The following COL25A1 variants were observed in gnomAD, a reference collection of about 807,000 sequenced individuals.
The protein encoded by COL25A1 is collagen alpha-1(XXV) chain.
A neutral mutation model predicts 128.4 loss-of-function variants in COL25A1; 103 were observed. The observed-to-expected ratio is 0.80, with a 90% CI of 0.68 to 0.94. The LOEUF is 0.94. COL25A1 is among the 40% of genes least tolerant of loss of function. The probability of loss-of-function intolerance (pLI) is 0.00; values close to 1 mark genes in which losing one functional copy is unlikely to be tolerated. For synonymous variants in COL25A1, 279 were observed against 277.2 expected, an observed-to-expected ratio of 1.01 and a Z score of -0.06; for missense variants, 745 against 840.0, an observed-to-expected ratio of 0.89 and a Z score of 1.40.
At chr4:108,841,793 A>C in intron 30 of COL25A1, 72 bp from the exon 31 acceptor site, 51 of 1,185,398 alleles carry the variant, frequency 4.3e-5, no homozygotes, top group Non-Finnish European at 5.9e-5. Context: ...ATATTATATC[A>C]CATAACAAAA....
chr4:109,174,784 C>T lies in COL25A1; in HGVS notation c.368-124605G>A, dbSNP rs562961823. Among the ~76,000 whole-genome samples the T allele has an allele frequency of 3.0e-4, 46 of 152,300 alleles. No individual in the cohort carries two copies. In the Middle Eastern group the frequency reaches 0.031, roughly 101 times the overall value. On this transcript the variant is annotated intron_variant, in intron 3 of 37. Transcript: ENST00000399132. ...TATTGAATGCAAAATTAAACACTCA[C>T]CTTTTGTTCTTATAGACTAGGGGTC...
intron 3 of COL25A1, among the ~76,000 whole-genome samples, chr4:109,063,632 A>G (rs1236194804): frequency 1.3e-5 from 2 of 152,128 alleles, no homozygotes; most frequent in Admixed American, 6.6e-5. Context: ...ACTGCAACCC[A>G]GTTCAAGACC....
chr4:109,084,484 A>G (rs550457780), intron 3 of COL25A1, among the ~76,000 whole-genome samples: 31 of 152,326 alleles, frequency 2.0e-4, no homozygotes, highest in South Asian at 8.3e-4. Context: ...CAAATTCACA[A>G]AATAGGATCA....
At position 108,811,908 on chromosome 4, in the gene COL25A1, G is replaced by A. The variant is rs1200225277; in HGVS notation, c.*2019C>T. 1 of 152,142 alleles carries A rather than the reference G, an allele frequency of 6.6e-6. No homozygotes were observed. Among genetic ancestry groups the A allele is most frequent in the African/African-American group, 2.4e-5 (1 of 41,436 alleles). The allele number at this position is 152,142 out of a possible 1,614,324, so 9.4% of individuals were successfully genotyped here. On this transcript the variant is annotated 3_prime_UTR_variant, in exon 38 of 38. Transcript: ENST00000399132. ...ATAAATGAGATCATGAGGATTTTAG[G>A]TTCCTTGTCTTATGGTTATATCTTA...
At chr4:109,055,491 G>C (rs1247998039) in intron 3 of COL25A1, among the ~76,000 whole-genome samples, 8 of 152,174 alleles carry the variant, frequency 5.3e-5, no homozygotes, top group Admixed American at 3.9e-4. Context: ...ATTCCAAACC[G>C]AGAGTTCTGT....
chr4:109,016,762 G>C (rs577301467), intron 5 of COL25A1, among the ~76,000 whole-genome samples: 4 of 152,298 alleles, frequency 2.6e-5, no homozygotes, highest in African/African-American at 9.6e-5. Context: ...CACTTGTCAG[G>C]ATGACCTGCC....
rs1263436877 is a variant in COL25A1 at position 108,889,845 on chromosome 4, T to C, written c.907-112A>G. 1.0e-5 allele frequency: 9 copies of C among 870,960 alleles called. No homozygotes were observed. In the African/African-American group the frequency reaches 1.4e-4, roughly 13 times the overall value. 54.0% of individuals were successfully genotyped at this position (870,960 alleles called of 1,614,324 possible). On this transcript the variant is annotated intron_variant, in intron 16 of 37. Transcript: ENST00000399132. ...TACTCAAAGGGTATCTCATGACTAA[T>C]GTGCCTAACTACGTTCCAGAAGACT...
At chr4:109,162,389 A>G (rs911849334) in intron 3 of COL25A1, among the ~76,000 whole-genome samples, 4 of 152,212 alleles carry the variant, frequency 2.6e-5, no homozygotes, top group Non-Finnish European at 4.4e-5. Flanking sequence ...TCAGCAGTCT[A>G]ATGCAGAAGA....
At chr4:109,133,193 T>G (rs1413304113) in intron 3 of COL25A1, among the ~76,000 whole-genome samples, 1 of 152,100 alleles carries the variant, frequency 6.6e-6, no homozygotes, top group East Asian at 1.9e-4. Context: ...GAATGAAATA[T>G]CTATAAGGAA....
rs142299033 is a variant in COL25A1 at position 108,932,514 on chromosome 4, A to G, written c.708+5294T>C. ...AATGAGGAACACTTTAAGTATTCTTATAATTCAGTAGAAGATAAATGAATA... is the reference window on the plus strand; with the variant it reads ...AATGAGGAACACTTTAAGTATTCTTGTAATTCAGTAGAAGATAAATGAATA... On this transcript the variant is annotated intron_variant, in intron 11 of 37. Transcript: ENST00000399132. Among the ~76,000 whole-genome samples the G allele has an allele frequency of 6.1e-3, 927 of 152,346 alleles. 11 individuals carry two copies. Among genetic ancestry groups the G allele is most frequent in the African/African-American group, 0.02 (852 of 41,580 alleles).
chr4:109,266,544 G>A (rs6810973), intron 3 of COL25A1, among the ~76,000 whole-genome samples: 33,132 of 151,872 alleles, frequency 0.22, 4,205 homozygotes, highest in Middle Eastern at 0.31. Context: ...GATATGGGGG[G>A]CTGGGGAGGA....
intron 3 of COL25A1, among the ~76,000 whole-genome samples, chr4:109,118,219 AG>A: frequency 6.6e-6 from 1 of 152,050 alleles, no homozygotes; most frequent in African/African-American, 2.4e-5. Context: ...TAATAGAGAA[AG>A]GGGAGATGTT....
intron 3 of COL25A1, among the ~76,000 whole-genome samples, chr4:109,200,452 T>G (rs191270085): frequency 1.1e-3 from 170 of 151,912 alleles, no homozygotes; most frequent in African/African-American, 3.9e-3. Flanking sequence ...GGTTCTCTCC[T>G]AACGTATCTT....
rs538624329 is a variant in COL25A1, at chr4:109,047,356, T to C, written c.420+812A>G. On this transcript the variant is annotated intron_variant, in intron 5 of 37. Transcript: ENST00000399132. ...GTTATCCAAAAATCCCACGAGGGTA[T>C]TGGTGTGTGATCATATCAAAAATAA... 2.0e-5 allele frequency among the ~76,000 whole-genome samples: 3 copies of C among 152,328 alleles called. No individual in the cohort carries two copies. In the East Asian group the frequency reaches 5.8e-4, roughly 29 times the overall value.
chr4:109,197,441 T>TTA (rs571601561), intron 3 of COL25A1, among the ~76,000 whole-genome samples: 1 of 123,480 alleles, frequency 8.1e-6, no homozygotes. Context: ...ATATTATATA[T>TTA]TATATATATT....
At chr4:108,965,328 G>A (rs1007034267) in intron 8 of COL25A1, among the ~76,000 whole-genome samples, 7 of 152,142 alleles carry the variant, frequency 4.6e-5, no homozygotes, top group Non-Finnish European at 8.8e-5. Context: ...TGATGATGTC[G>A]AGACCAATAA....
At chr4:108,845,884 TA>T (rs1258567000) in intron 28 of COL25A1, among the ~76,000 whole-genome samples, 4 of 152,210 alleles carry the variant, frequency 2.6e-5, no homozygotes, top group African/African-American at 9.6e-5. Context: ...CAACTATGTT[TA>T]TTTTATTATC....
At chr4:109,108,924 T>C (rs1354078943) in intron 3 of COL25A1, among the ~76,000 whole-genome samples, 1 of 152,194 alleles carries the variant, frequency 6.6e-6, no homozygotes, top group African/African-American at 2.4e-5. Flanking sequence ...ATCTGCTTTA[T>C]TGAAATATCT....
At chr4:109,298,026 A>C (rs774382132) in intron 3 of COL25A1, among the ~76,000 whole-genome samples, 1 of 151,576 alleles carries the variant, frequency 6.6e-6, no homozygotes, top group Non-Finnish European at 1.5e-5. Context: ...TCCTTGGTAG[A>C]CTGGGCTTTT....
Sources: gnomAD v4.1 joint callset for allele counts (sites outside exome capture counted in the v4.1 genomes callset) on GRCh38, gnomAD v4.1.1 for gene constraint, MANE v1.5 for transcripts, NCBI Gene and HGNC (gene_info 2026-07-23, HGNC 2026-07-21) for gene names.